CBFA2T3: variants seen among roughly 807,000 people sequenced by gnomAD.
CBFA2T3 encodes CBFA2/RUNX1 partner transcriptional co-repressor 3.
Under a neutral mutation model 58.6 loss-of-function variants are expected in CBFA2T3, and 31 were observed. The observed-to-expected ratio is 0.53, with a 90% CI of 0.40 to 0.71. The LOEUF is 0.71. Ranked by LOEUF, CBFA2T3 falls within the 30% of genes least tolerant of loss-of-function variation. The probability of loss-of-function intolerance (pLI) is 0.00; values close to 1 mark genes in which losing one functional copy is unlikely to be tolerated. For missense variants in CBFA2T3, 1,076 were observed against 963.1 expected (o/e 1.12, Z -1.55); for synonymous variants, 531 against 421.9 (o/e 1.26, Z -3.17).
intron 1 of CBFA2T3, chr16:88,950,440 T>C: frequency 2.4e-6 from 1 of 412,096 alleles, no homozygotes; most frequent in Non-Finnish European, 4.7e-6. Context: ...GGTCAGAGTG[T>C]TGGCACCTGT....
At chr16:88,904,342 G>C (rs1970220929) in intron 1 of CBFA2T3, among the ~76,000 whole-genome samples, 1 of 152,064 alleles carries the variant, frequency 6.6e-6, no homozygotes, top group African/African-American at 2.4e-5. Context: ...TGCGGCTGAT[G>C]CTGCCATCAG....
At chr16:88,945,669 C>A (rs1971882653) in intron 1 of CBFA2T3, among the ~76,000 whole-genome samples, 1 of 152,196 alleles carries the variant, frequency 6.6e-6, no homozygotes, top group African/African-American at 2.4e-5. Context: ...CGGACAACCC[C>A]AGATGCCGGT....
chr16:88,931,029 A>G (rs1567616240), intron 1 of CBFA2T3, among the ~76,000 whole-genome samples: 1 of 152,058 alleles, frequency 6.6e-6, no homozygotes, highest in Admixed American at 6.5e-5. Context: ...TTTTCCCACA[A>G]TTAAAAAAAC....
intron 7 of CBFA2T3, 149 bp from the exon 8 acceptor site, chr16:88,882,910 G>C: frequency 1.5e-6 from 1 of 654,404 alleles, no homozygotes; most frequent in South Asian, 1.7e-5. Context: ...TGGTTGACTT[G>C]GTGACCGTGG....
intron 1 of CBFA2T3, among the ~76,000 whole-genome samples, chr16:88,948,519 C>T (rs1198254358): frequency 6.6e-6 from 1 of 152,170 alleles, no homozygotes; most frequent in East Asian, 1.9e-4. Flanking sequence ...TCAAGGAGAC[C>T]CTCCCGGAGG....
intron 2 of CBFA2T3, among the ~76,000 whole-genome samples, chr16:88,899,332 AG>A (rs11326265): frequency 0.041 from 6,213 of 152,232 alleles, 226 homozygotes; most frequent in African/African-American, 0.1. Context: ...TGTGTGGATT[AG>A]GGGATAAATC....
At chr16:88,892,054 T>G (rs1441990687) in intron 4 of CBFA2T3, 83 bp from the exon 5 acceptor site, 15 of 1,402,334 alleles carry the variant, frequency 1.1e-5, no homozygotes, top group Admixed American at 9.0e-5. Flanking sequence ...AGGAGGAGGC[T>G]TCCGTGTTGG....
chr16:88,960,364 G>C (rs1972327841), intron 1 of CBFA2T3, among the ~76,000 whole-genome samples: 1 of 152,230 alleles, frequency 6.6e-6, no homozygotes, highest in Admixed American at 6.5e-5. Flanking sequence ...TGCAGAGGCT[G>C]TTTGAAGATA....
chr16:88,915,687 C>G (rs1449154904), intron 1 of CBFA2T3, among the ~76,000 whole-genome samples: 1 of 43,432 alleles, frequency 2.3e-5, no homozygotes, highest in Non-Finnish European at 4.1e-5. Flanking sequence ...GGGGGAGCGT[C>G]GACGGGGGAG....
intron 1 of CBFA2T3, among the ~76,000 whole-genome samples, chr16:88,935,693 C>A (rs368873047): frequency 6.6e-6 from 1 of 152,154 alleles, no homozygotes. Flanking sequence ...AACTTCTGTT[C>A]GGGGGCCTGC....
intron 1 of CBFA2T3, among the ~76,000 whole-genome samples, chr16:88,952,152 A>G (rs1041396073): frequency 6.6e-6 from 1 of 152,020 alleles, no homozygotes; most frequent in Non-Finnish European, 1.5e-5. Context: ...CTATGCAGAG[A>G]CAGAGAGACT....
At chr16:88,949,211 G>A (rs1014320782) in intron 1 of CBFA2T3, among the ~76,000 whole-genome samples, 7 of 152,208 alleles carry the variant, frequency 4.6e-5, no homozygotes, top group African/African-American at 1.7e-4. Context: ...GGGTTTGGCC[G>A]TGTAGGCATG....
intron 2 of CBFA2T3, among the ~76,000 whole-genome samples, chr16:88,899,714 G>A (rs1169805437): frequency 6.6e-6 from 1 of 152,234 alleles, no homozygotes; most frequent in Non-Finnish European, 1.5e-5. Context: ...TTGAGGGTCT[G>A]GGGAACCAGG....
chr16:88,905,115 G>A (rs555143802), intron 1 of CBFA2T3, among the ~76,000 whole-genome samples: 3 of 152,274 alleles, frequency 2.0e-5, no homozygotes, highest in African/African-American at 4.8e-5. Flanking sequence ...GACCTGTGGA[G>A]GGACCTGGGA....
chr16:88,963,181 G>T (rs1270463507), intron 1 of CBFA2T3, among the ~76,000 whole-genome samples: 3 of 151,804 alleles, frequency 2.0e-5, no homozygotes, highest in Non-Finnish European at 4.4e-5. Flanking sequence ...GAAGGTGGGG[G>T]CTTGGACAGA....
chr16:88,887,971 G>A (rs1221227541), intron 5 of CBFA2T3, among the ~76,000 whole-genome samples: 1 of 152,162 alleles, frequency 6.6e-6, no homozygotes, highest in African/African-American at 2.4e-5. Flanking sequence ...CTCCCTGACC[G>A]TGGGCTCTGC....
chr16:88,892,147 A>G, intron 4 of CBFA2T3, 97 bp downstream of exon 4: 2 of 1,464,464 alleles, frequency 1.4e-6, no homozygotes. Context: ...CCCGGTTGTC[A>G]GCGTGGAGCC....
intron 1 of CBFA2T3, 73 bp downstream of exon 1, chr16:88,976,584 T>A (rs1037398999): frequency 5.9e-6 from 7 of 1,190,916 alleles, no homozygotes; most frequent in Non-Finnish European, 8.3e-6. Context: ...CGCGAAGCTC[T>A]AAGGAGTCAC....
intron 1 of CBFA2T3, among the ~76,000 whole-genome samples, chr16:88,902,134 G>T (rs1026207941): frequency 6.6e-6 from 1 of 152,224 alleles, no homozygotes; most frequent in African/African-American, 2.4e-5. Flanking sequence ...TGCTGGTCTG[G>T]CCCTGGAAGC....
Sources: gnomAD v4.1 joint callset for allele counts (sites outside exome capture counted in the v4.1 genomes callset) on GRCh38, gnomAD v4.1.1 for gene constraint, MANE v1.5 for transcripts, NCBI Gene and HGNC (gene_info 2026-07-23, HGNC 2026-07-21) for gene names.